The following ZSWIM5 variants were observed in gnomAD, a reference collection of about 807,000 sequenced individuals.
The protein encoded by ZSWIM5 is zinc finger SWIM-type containing 5.
In ZSWIM5, 55 loss-of-function variants were observed where a neutral mutation model predicts 119.6. The ratio of observed to expected loss-of-function variants is 0.46; its 90% confidence interval spans 0.37 to 0.58. ZSWIM5 has a LOEUF of 0.58. Ranked by LOEUF, ZSWIM5 falls within the 20% of genes least tolerant of loss-of-function variation. ZSWIM5 has a pLI of 0.00. For missense variants in ZSWIM5, 1,193 were observed against 1,512.8 expected (o/e 0.79, Z 3.51); for synonymous variants, 537 against 606.9 (o/e 0.88, Z 1.69).
chr1:45,035,611 G>T, intron 10 of ZSWIM5, 77 bp downstream of exon 10: 1 of 1,545,912 alleles, frequency 6.5e-7, no homozygotes, highest in South Asian at 1.2e-5. Context: ...AGAAAAGAAA[G>T]TGAAATAAGC....
intron 1 of ZSWIM5, among the ~76,000 whole-genome samples, chr1:45,146,600 T>C (rs967490231): frequency 1.3e-5 from 2 of 151,848 alleles, no homozygotes; most frequent in African/African-American, 4.8e-5. Context: ...TTACCACGCC[T>C]GGCTAATTTT....
chr1:45,206,463 C>T lies in ZSWIM5; in HGVS notation c.-113G>A, dbSNP rs1200125861. 5 of 1,208,214 alleles carry T rather than the reference C, an allele frequency of 4.1e-6. No individual in the cohort carries two copies. Among genetic ancestry groups the T allele is most frequent in the East Asian group, 3.4e-5 (1 of 29,654 alleles). 74.8% of individuals were successfully genotyped at this position (1,208,214 alleles called of 1,614,324 possible). A position where few individuals can be genotyped will look rare whatever the true frequency, so the allele number is the denominator to read the frequency against. ...CGCCCAGCGGTGGCGCCGAGGGGGGCGGGGCGAGAGAACCCGCGAGCCAGC... is the reference window on the plus strand; with the variant it reads ...CGCCCAGCGGTGGCGCCGAGGGGGGTGGGGCGAGAGAACCCGCGAGCCAGC... On this transcript the variant is annotated 5_prime_UTR_variant, in exon 1 of 14. Coordinates refer to ENST00000359600, the MANE Select transcript of ZSWIM5 (RefSeq NM_020883.2).
At chr1:45,144,891 T>G (rs142051277) in intron 1 of ZSWIM5, among the ~76,000 whole-genome samples, 1 of 152,084 alleles carries the variant, frequency 6.6e-6, no homozygotes, top group African/African-American at 2.4e-5. Context: ...AGCCACAGAC[T>G]GGGAGAAAAT....
intron 5 of ZSWIM5, among the ~76,000 whole-genome samples, chr1:45,047,904 T>C (rs1461249591): frequency 1.3e-5 from 2 of 152,062 alleles, no homozygotes; most frequent in African/African-American, 4.8e-5. Context: ...AAAAAGATGG[T>C]GTGAAATAGT....
intron 2 of ZSWIM5, among the ~76,000 whole-genome samples, chr1:45,066,224 C>A (rs1206595582): frequency 6.6e-6 from 1 of 151,980 alleles, no homozygotes. Flanking sequence ...AGTATTCCCC[C>A]CCATGGAGAA....
intron 1 of ZSWIM5, among the ~76,000 whole-genome samples, chr1:45,173,231 A>G (rs1037415814): frequency 6.6e-6 from 1 of 152,170 alleles, no homozygotes. Context: ...TTTTGCATGA[A>G]TACATAATAG....
intron 1 of ZSWIM5, among the ~76,000 whole-genome samples, chr1:45,095,502 G>A (rs1258863534): frequency 1.3e-5 from 2 of 152,080 alleles, no homozygotes; most frequent in African/African-American, 4.8e-5. Flanking sequence ...TAATTTTGTT[G>A]TTATGTCTCT....
intron 8 of ZSWIM5, among the ~76,000 whole-genome samples, chr1:45,037,776 ACT>A (rs983454640): frequency 1.3e-5 from 2 of 152,080 alleles, no homozygotes; most frequent in African/African-American, 2.4e-5. Flanking sequence ...CTACAGTTAA[ACT>A]CTTAACTTTT....
intron 1 of ZSWIM5, among the ~76,000 whole-genome samples, chr1:45,139,649 TTTTTTCTTTTC>T (rs923881332): frequency 7.3e-5 from 11 of 151,190 alleles, no homozygotes; most frequent in Non-Finnish European, 1.0e-4. Context: ...GCCCAGCTAA[TTTTTTCTTTTC>T]TTTTTCTTTT....
At chr1:45,033,676 T>G (rs1644965559) in intron 11 of ZSWIM5, among the ~76,000 whole-genome samples, 1 of 151,824 alleles carries the variant, frequency 6.6e-6, no homozygotes. Flanking sequence ...GATCTTCCAG[T>G]GGCCCTGGGA....
At chr1:45,034,593 A>C in intron 10 of ZSWIM5, 124 bp from the exon 11 acceptor site, 1 of 1,206,092 alleles carries the variant, frequency 8.3e-7, no homozygotes, top group South Asian at 1.5e-5. Flanking sequence ...AGAGCTTTGA[A>C]GGTTTTTAAA....
intron 1 of ZSWIM5, among the ~76,000 whole-genome samples, chr1:45,132,255 G>A (rs541855227): frequency 6.6e-6 from 1 of 152,104 alleles, no homozygotes; most frequent in African/African-American, 2.4e-5. Context: ...TGTGCGGTGA[G>A]AAGATGCTAC....
intron 11 of ZSWIM5, among the ~76,000 whole-genome samples, chr1:45,028,049 C>T (rs1190767435): frequency 6.6e-6 from 1 of 152,052 alleles, no homozygotes; most frequent in Non-Finnish European, 1.5e-5. Flanking sequence ...CAGGGTTTTG[C>T]CATGTTGGCC....
rs1290512367 is a variant in ZSWIM5 at position 45,019,695 on chromosome 1, G to A, written c.2695+371C>T. ...TGCTGGGGCTTTGGGCTTTAGAAAG[G>A]GTCCTGAGCCTCTAAGTTGTCTGGA... On this transcript the variant is annotated intron_variant, in intron 13 of 13. Coordinates refer to ENST00000359600, the MANE Select transcript of ZSWIM5 (RefSeq NM_020883.2). The surrounding 1 kb of genome is among the most constrained non-coding windows in gnomAD (Gnocchi z 5.0). 1.3e-5 allele frequency among the ~76,000 whole-genome samples: 2 copies of A among 152,274 alleles called. No individual in the cohort carries two copies. Among genetic ancestry groups the A allele is most frequent in the East Asian group, 3.9e-4 (2 of 5,176 alleles).
At chr1:45,139,584 C>T (rs964193045) in intron 1 of ZSWIM5, among the ~76,000 whole-genome samples, 1 of 150,158 alleles carries the variant, frequency 6.7e-6, no homozygotes, top group African/African-American at 2.4e-5. Context: ...CTCAGGCAAT[C>T]CTCCCTCCTG....
chr1:45,121,792 T>C (rs1229761576), intron 1 of ZSWIM5, among the ~76,000 whole-genome samples: 1 of 152,072 alleles, frequency 6.6e-6, no homozygotes, highest in Non-Finnish European at 1.5e-5. Flanking sequence ...TCTCACTATG[T>C]TGCCCAGTCT....
chr1:45,110,843 T>G (rs1367142824), intron 1 of ZSWIM5, among the ~76,000 whole-genome samples: 3 of 152,208 alleles, frequency 2.0e-5, no homozygotes, highest in Non-Finnish European at 4.4e-5. Flanking sequence ...TCTTAATTTC[T>G]GTACCCTGAT....
chr1:45,196,040 T>TC (rs1475230698), intron 1 of ZSWIM5, among the ~76,000 whole-genome samples: 1 of 144,508 alleles, frequency 6.9e-6, no homozygotes, highest in Non-Finnish European at 1.5e-5. Context: ...GCTAGTTTTT[T>TC]TTTTTTTTTT....
intron 1 of ZSWIM5, among the ~76,000 whole-genome samples, chr1:45,089,687 A>G (rs1645352325): frequency 6.6e-6 from 1 of 152,152 alleles, no homozygotes; most frequent in Non-Finnish European, 1.5e-5. Context: ...AAACCCACAG[A>G]CATGCTTAGT....
Sources: allele counts gnomAD v4.1 joint callset (sites outside exome capture counted in the v4.1 genomes callset), GRCh38; gene constraint gnomAD v4.1.1; non-coding constraint Gnocchi (gnomAD v3.1); transcripts MANE v1.5; gene names NCBI Gene and HGNC (gene_info 2026-07-23, HGNC 2026-07-21).